DAPL1: variants seen among roughly 807,000 people sequenced by gnomAD.
DAPL1 encodes death associated protein like 1.
DAPL1 carries 17 observed loss-of-function variants against 12.9 expected under a neutral mutation model. That is an observed-to-expected ratio of 1.32 (90% confidence interval 0.90 to 1.98). DAPL1 has a LOEUF of 1.98. Ranked by LOEUF, DAPL1 falls within the 30% of genes most tolerant of loss-of-function variation. The pLI is 0.00. For missense variants in DAPL1, 157 were observed against 125.7 expected, an observed-to-expected ratio of 1.25 and a Z score of -1.19; for synonymous variants, 51 against 42.0, an observed-to-expected ratio of 1.21 and a Z score of -0.82.
intron 3 of DAPL1, among the ~76,000 whole-genome samples, chr2:158,808,368 T>G (rs769595232): frequency 6.6e-6 from 1 of 152,130 alleles, no homozygotes; most frequent in Admixed American, 6.5e-5. Context: ...TAAGGAAGAG[T>G]GCACAGCTTA....
At chr2:158,810,072 A>G (rs1005366817) in intron 3 of DAPL1, among the ~76,000 whole-genome samples, 2 of 152,218 alleles carry the variant, frequency 1.3e-5, no homozygotes, top group Non-Finnish European at 2.9e-5. Context: ...AACTGTATGT[A>G]CTTGTCAAGA....
intron 1 of DAPL1, among the ~76,000 whole-genome samples, chr2:158,796,360 A>G (rs1209487851): frequency 6.6e-6 from 1 of 152,200 alleles, no homozygotes; most frequent in Admixed American, 6.5e-5. Flanking sequence ...CTTCACAGAG[A>G]GTCAAAATGT....
chr2:158,802,779 G>T (rs78765308), intron 1 of DAPL1, among the ~76,000 whole-genome samples: 1 of 152,054 alleles, frequency 6.6e-6, no homozygotes, highest in African/African-American at 2.4e-5. Flanking sequence ...TCTGTGCCTC[G>T]CCTTGAATTT....
chr2:158,799,715 A>G (rs1291073370), intron 1 of DAPL1, among the ~76,000 whole-genome samples: 1 of 152,188 alleles, frequency 6.6e-6, no homozygotes, highest in African/African-American at 2.4e-5. Context: ...AGTTTGGTAC[A>G]AGAACTCTGT....
At chr2:158,798,174 G>T (rs2059145196) in intron 1 of DAPL1, among the ~76,000 whole-genome samples, 1 of 152,206 alleles carries the variant, frequency 6.6e-6, no homozygotes, top group Non-Finnish European at 1.5e-5. Context: ...TAAGCCAAAT[G>T]AATCAGAGCC....
intron 3 of DAPL1, among the ~76,000 whole-genome samples, chr2:158,813,578 T>C (rs2059243244): frequency 7.2e-6 from 1 of 139,116 alleles, no homozygotes; most frequent in South Asian, 2.3e-4. Context: ...TTTTTTGAGA[T>C]GGAGTCTTGC....
At chr2:158,808,592 G>A (rs1407779905) in intron 3 of DAPL1, among the ~76,000 whole-genome samples, 2 of 152,140 alleles carry the variant, frequency 1.3e-5, no homozygotes, top group Non-Finnish European at 2.9e-5. Flanking sequence ...CTTCTCACAT[G>A]GGAGCCTTGG....
At chr2:158,804,612 C>G (rs992963090) in intron 2 of DAPL1, among the ~76,000 whole-genome samples, 1 of 152,200 alleles carries the variant, frequency 6.6e-6, no homozygotes, top group Admixed American at 6.5e-5. Flanking sequence ...CTCCTCCTGT[C>G]TGCATCCAGC....
chr2:158,813,562 T>C (rs1217089303), intron 3 of DAPL1, among the ~76,000 whole-genome samples: 1 of 115,184 alleles, frequency 8.7e-6, no homozygotes, highest in South Asian at 2.3e-4. Context: ...TTTTTCTTTT[T>C]TTTTTTTTTT....
Position 158,810,473 on chromosome 2 carries a change from C to T in DAPL1, c.207+3358C>T, listed in dbSNP as rs1020540494. 2.0e-5 allele frequency among the ~76,000 whole-genome samples: 3 copies of T among 152,214 alleles called. No homozygotes were observed. In the East Asian group the frequency reaches 5.8e-4, roughly 29 times the overall value. On this transcript the variant is annotated intron_variant, in intron 3 of 3. Coordinates refer to ENST00000309950, the MANE Select transcript of DAPL1 (RefSeq NM_001017920.3). ...AAAGAAACTCCTCTCCATAGGAACT[C>T]ATCAACCATTCAACCATGGCAGGAA... is the stretch of plus-strand genomic sequence containing the variant.
At chr2:158,806,234 A>T (rs1423645637) in intron 2 of DAPL1, among the ~76,000 whole-genome samples, 5 of 129,046 alleles carry the variant, frequency 3.9e-5, no homozygotes, top group Non-Finnish European at 9.4e-5. Context: ...CAAACCATCC[A>T]GAAAAAAAAA....
intron 2 of DAPL1, among the ~76,000 whole-genome samples, chr2:158,806,076 G>A (rs940014923): frequency 2.0e-5 from 3 of 148,358 alleles, no homozygotes; most frequent in Non-Finnish European, 4.5e-5. Flanking sequence ...CAGGGCATGT[G>A]CACAGGATAG....
chr2:158,805,136 G>A (rs951751598), intron 2 of DAPL1, among the ~76,000 whole-genome samples: 11 of 152,174 alleles, frequency 7.2e-5, no homozygotes, highest in African/African-American at 2.4e-4. Flanking sequence ...GATGCTCCAG[G>A]CACCTCCATA....
intron 3 of DAPL1, among the ~76,000 whole-genome samples, 168 bp downstream of exon 3, chr2:158,807,283 A>C (rs2059208200): frequency 6.6e-6 from 1 of 152,232 alleles, no homozygotes; most frequent in African/African-American, 2.4e-5. Context: ...TTTGAGTGGG[A>C]AAAGCTGCTT....
In DAPL1 at chr2:158,807,124, T is replaced by C. The variant is rs201954700; in HGVS notation, c.207+9T>C. The C allele has an allele frequency of 6.7e-5, 107 of 1,603,772 alleles. No individual in the cohort carries two copies. The African/African-American group carries it at 6.7e-4, about 10-fold the overall frequency. ...ATGACGCACTGGAGAAGGTGAGCCG[T>C]GGGCAAATCACATAGCGCTCCAAGT... On this transcript the variant is annotated intron_variant, in intron 3 of 3. Transcript: ENST00000309950.
chr2:158,808,472 G>A (rs1057113155), intron 3 of DAPL1, among the ~76,000 whole-genome samples: 19 of 152,174 alleles, frequency 1.2e-4, no homozygotes, highest in Admixed American at 2.0e-4. Flanking sequence ...GTCAGGGATC[G>A]TAGTATTGGT....
rs770204432 is a variant in DAPL1 at position 158,804,299 on chromosome 2, A to G, written c.76A>G (p.Arg26Gly). The change falls in exon 2 of 4, where the codon AGA (arginine) becomes GGA (glycine). Residue 26 changes from arginine to glycine, a missense_variant. Arg to Gly is a moderately radical substitution (Grantham distance 125). Transcript: ENST00000309950. Reference sequence around the variant, plus strand: ...GTTTGTAGTAAAAGCTGGAGGAATGAGAATTTCCAAAAAACAAGAAATTGG... The same window carrying G: ...GTTTGTAGTAAAAGCTGGAGGAATGGGAATTTCCAAAAAACAAGAAATTGG... ...HPPAVKAGGM[R>G]ISKKQEIGTL... The G allele has an allele frequency of 6.2e-7, 1 of 1,610,060 alleles. No individual in the cohort carries two copies. Among genetic ancestry groups the G allele is most frequent in the East Asian group, 2.2e-5 (1 of 44,860 alleles).
In DAPL1 at chr2:158,815,989, G is replaced by T; in HGVS notation, c.*168G>T. ...ATAAAGCATCCAAACTTGTAAATCT[G>T]ACACATCCCTGTGCCTCTTTTTGGT... On this transcript the variant is annotated 3_prime_UTR_variant, in exon 4 of 4. Coordinates refer to ENST00000309950, the MANE Select transcript of DAPL1 (RefSeq NM_001017920.3). The T allele has an allele frequency of 5.0e-6, 3 of 600,882 alleles. No individual in the cohort carries two copies. Among genetic ancestry groups the T allele is most frequent in the Non-Finnish European group, 8.9e-6 (3 of 335,816 alleles). 37.2% of individuals were successfully genotyped at this position (600,882 alleles called of 1,614,324 possible).
intron 1 of DAPL1, among the ~76,000 whole-genome samples, chr2:158,795,689 T>C (rs754783874): frequency 7.9e-5 from 12 of 152,150 alleles, no homozygotes; most frequent in African/African-American, 2.4e-4. Context: ...TGGAAAGGCA[T>C]AGGTAGAGAG....
Sources: gnomAD v4.1 joint callset for allele counts (sites outside exome capture counted in the v4.1 genomes callset) on GRCh38, gnomAD v4.1.1 for gene constraint, MANE v1.5 for transcripts, NCBI Gene and HGNC (gene_info 2026-07-23, HGNC 2026-07-21) for gene names.